RRAGD: variants seen among roughly 807,000 people sequenced by gnomAD.
RRAGD encodes the protein ras-related GTP-binding protein D.
RRAGD carries 12 observed loss-of-function variants against 35.5 expected under a neutral mutation model. The observed-to-expected ratio is 0.34, with a 90% CI of 0.22 to 0.55. The LOEUF (loss-of-function observed/expected upper bound fraction) is 0.55, where lower values mean the gene tolerates loss of function less well. Among genes scored for constraint, RRAGD ranks in the 20% least tolerant of loss-of-function variants. The pLI, the probability that RRAGD is intolerant of heterozygous loss-of-function variation, is 0.91. For missense variants in RRAGD, 324 were observed against 490.1 expected, an observed-to-expected ratio of 0.66 and a Z score of 3.20; for synonymous variants, 155 against 178.9, an observed-to-expected ratio of 0.87 and a Z score of 1.07.
Position 89,411,828 on chromosome 6 carries a change from C to G in RRAGD, c.148+18G>C, listed in dbSNP as rs1226073792. The G allele has an allele frequency of 1.9e-6, 3 of 1,543,600 alleles. No homozygotes were observed. Among genetic ancestry groups the G allele is most frequent in the Non-Finnish European group, 2.6e-6 (3 of 1,148,756 alleles). ...AGGAAAGGGGCGCGAGCCGAGGACGCGGGGGCCGGGCGCTCACCTCCCTCC... is the reference window on the plus strand; with the variant it reads ...AGGAAAGGGGCGCGAGCCGAGGACGGGGGGGCCGGGCGCTCACCTCCCTCC... On this transcript the variant is annotated intron_variant, in intron 1 of 6. Coordinates refer to ENST00000369415, the MANE Select transcript of RRAGD (RefSeq NM_021244.5). The surrounding 1 kb of genome is among the most constrained non-coding windows in gnomAD (Gnocchi z 5.6).
Position 89,411,899 on chromosome 6 carries a change from C to T in RRAGD, c.95G>A (p.Gly32Glu). ...EDELVGLADY[G>E]DGPDSSDADP... is the part of the protein sequence containing the mutation. Reference sequence around the variant, plus strand: ...GGCGTCGGAGGAGTCGGGCCCGTCTCCGTAGTCCGCTAGCCCCACCAGCTC... The same window carrying T: ...GGCGTCGGAGGAGTCGGGCCCGTCTTCGTAGTCCGCTAGCCCCACCAGCTC... Residue 32 changes from glycine (G) to glutamate (E), a missense_variant, in exon 1 of 7, where the codon GGA (glycine) becomes GAA (glutamate). Physicochemically the swap from Gly to Glu is moderately conservative, Grantham distance 98 (BLOSUM62 -2). Coordinates refer to ENST00000369415, the MANE Select transcript of RRAGD (RefSeq NM_021244.5). The surrounding 1 kb of genome is among the most constrained non-coding windows in gnomAD (Gnocchi z 5.6). 6.5e-7 allele frequency: 1 copy of T among 1,546,352 alleles called. No individual in the cohort carries two copies. Among genetic ancestry groups the T allele is most frequent in the Non-Finnish European group, 8.7e-7 (1 of 1,148,206 alleles).
At chr6:89,385,653 C>T (rs376517151) in intron 2 of RRAGD, among the ~76,000 whole-genome samples, 2 of 152,158 alleles carry the variant, frequency 1.3e-5, no homozygotes, top group East Asian at 1.9e-4. Flanking sequence ...GCAGGTAACA[C>T]GTGTTTCTGG....
At chr6:89,397,720 C>T in intron 1 of RRAGD, among the ~76,000 whole-genome samples, 1 of 152,108 alleles carries the variant, frequency 6.6e-6, no homozygotes, top group East Asian at 1.9e-4. Flanking sequence ...ACTATTGATA[C>T]ACATAACCTG....
intron 1 of RRAGD, among the ~76,000 whole-genome samples, chr6:89,388,525 G>A (rs1229449588): frequency 6.6e-6 from 1 of 152,058 alleles, no homozygotes; most frequent in African/African-American, 2.4e-5. Flanking sequence ...AAAATTTGGG[G>A]GTTCCTCAGT....
At position 89,411,846 on chromosome 6, in the gene RRAGD, C is replaced by G. The variant is rs1335186513; in HGVS notation, c.148G>C (p.Val50Leu). Reference sequence around the variant, plus strand: ...GAGGACGCGGGGGCCGGGCGCTCACCTCCCTCCTCTGTGCCGCTGTCCGGA... The same window carrying G: ...GAGGACGCGGGGGCCGGGCGCTCACGTCCCTCCTCTGTGCCGCTGTCCGGA... ...ADPDSGTEEG[V>L]LDFSDPFSTE... The change falls in exon 1 of 7, where the codon GTT (valine) becomes CTT (leucine). Residue 50 changes from valine (V) to leucine (L), a missense_variant and splice_region_variant. Around this residue, in one of 5 missense-constraint regions of RRAGD, gnomAD observed 96 missense variants for 78.7 expected, o/e 1.22. Transcript: ENST00000369415. The surrounding 1 kb of genome is among the most constrained non-coding windows in gnomAD (Gnocchi z 5.6). 1 of 1,550,732 alleles carries G rather than the reference C, an allele frequency of 6.4e-7. No individual in the cohort carries two copies. Among genetic ancestry groups the G allele is most frequent in the Non-Finnish European group, 8.7e-7 (1 of 1,151,248 alleles).
At chr6:89,390,064 A>C (rs940654821) in intron 1 of RRAGD, among the ~76,000 whole-genome samples, 2 of 152,232 alleles carry the variant, frequency 1.3e-5, no homozygotes, top group Non-Finnish European at 1.5e-5. Flanking sequence ...AAGAGCTAAA[A>C]CTATAAAACT....
At chr6:89,392,229 T>G (rs1200845485) in intron 1 of RRAGD, among the ~76,000 whole-genome samples, 1 of 152,020 alleles carries the variant, frequency 6.6e-6, no homozygotes, top group African/African-American at 2.4e-5. Context: ...ATGCCAGCAC[T>G]TTGGAAGGCT....
chr6:89,391,965 A>AG, intron 1 of RRAGD, among the ~76,000 whole-genome samples: 1 of 150,920 alleles, frequency 6.6e-6, no homozygotes, highest in South Asian at 2.1e-4. Context: ...TCAAAAAAAA[A>AG]AAAAAAAAAA....
intron 6 of RRAGD, among the ~76,000 whole-genome samples, chr6:89,371,784 T>C (rs1236692025): frequency 6.6e-6 from 1 of 152,174 alleles, no homozygotes; most frequent in African/African-American, 2.4e-5. Flanking sequence ...TAGGGACTTC[T>C]GTTAGTAACT....
At chr6:89,407,926 C>T (rs574103192) in intron 1 of RRAGD, among the ~76,000 whole-genome samples, 9 of 152,174 alleles carry the variant, frequency 5.9e-5, no homozygotes, top group African/African-American at 1.9e-4. Context: ...AGAGTCAGTA[C>T]TCTCTGATGC....
At chr6:89,408,730 G>A (rs534102926) in intron 1 of RRAGD, among the ~76,000 whole-genome samples, 1 of 152,194 alleles carries the variant, frequency 6.6e-6, no homozygotes, top group South Asian at 2.1e-4. Context: ...AAATGGGAGG[G>A]GTTTTGGGGG....
In RRAGD at chr6:89,411,969, G is replaced by T; in HGVS notation, c.25C>A (p.Gln9Lys). MSQVLGKP[Q>K]PQDEDDAEEE... ...TCCGCGTCGTCCTCGTCCTGCGGCTGCGGCTTCCCCAGCACCTGGCTCATC... is the reference window on the plus strand; with the variant it reads ...TCCGCGTCGTCCTCGTCCTGCGGCTTCGGCTTCCCCAGCACCTGGCTCATC... Residue 9 changes from glutamine to lysine, a missense_variant, in exon 1 of 7, where the codon CAG becomes AAG. Physicochemically the swap from Gln to Lys is moderately conservative, Grantham distance 53. Transcript: ENST00000369415. The surrounding 1 kb of genome is among the most constrained non-coding windows in gnomAD (Gnocchi z 5.6). 1 of 1,536,718 alleles carries T rather than the reference G, an allele frequency of 6.5e-7. No homozygotes were observed.
chr6:89,375,669 C>A (rs1437569119), intron 5 of RRAGD, among the ~76,000 whole-genome samples: 5 of 152,242 alleles, frequency 3.3e-5, no homozygotes, highest in Non-Finnish European at 7.3e-5. Context: ...GCTCTGCACA[C>A]AACCCTGCCT....
chr6:89,405,895 T>G (rs1418779706), intron 1 of RRAGD, among the ~76,000 whole-genome samples: 1 of 152,112 alleles, frequency 6.6e-6, no homozygotes, highest in African/African-American at 2.4e-5. Flanking sequence ...AATAAGAAAT[T>G]CCAACCCAAG....
chr6:89,393,510 A>G lies in RRAGD; in HGVS notation c.149-5920T>C, dbSNP rs975927731. On this transcript the variant is annotated intron_variant, in intron 1 of 6. Transcript: ENST00000369415. ...TAAATGGAGGAGGTTGGGCATGAGA[A>G]GGAAGGCAGTGCCCCCAGTGCTAGT... Among the ~76,000 whole-genome samples the G allele has an allele frequency of 1.3e-5, 2 of 152,212 alleles. 1 individual carries two copies. The highest frequency in any genetic ancestry group is 4.8e-5 in the African/African-American group (2 of 41,464).
At chr6:89,393,345 G>A (rs968898605) in intron 1 of RRAGD, among the ~76,000 whole-genome samples, 7 of 150,816 alleles carry the variant, frequency 4.6e-5, no homozygotes, top group Non-Finnish European at 1.0e-4. Context: ...CCCACAACAG[G>A]AAGGAATATG....
rs775844853 is a variant in RRAGD at position 89,387,315 on chromosome 6, T to C, written c.424A>G (p.Ile142Val). Residue 142 changes from isoleucine to valine, a missense_variant, in exon 2 of 7, where the codon ATA becomes GTA. Physicochemically the swap from Ile to Val is conservative, Grantham distance 29. Transcript: ENST00000369415. ...EMIFRGTGAL[I>V]FVIDSQDDYM... ...TTTACCTGTGAGTCAATGACAAATA[T>C]CAGTGCTCCTGTTCCCCGGAAGATC... 3 of 1,613,810 alleles carry C rather than the reference T, an allele frequency of 1.9e-6. No individual in the cohort carries two copies. Among genetic ancestry groups the C allele is most frequent in the South Asian group, 2.2e-5 (2 of 91,076 alleles).
intron 2 of RRAGD, among the ~76,000 whole-genome samples, chr6:89,384,979 A>G (rs1769116132): frequency 6.6e-6 from 1 of 152,078 alleles, no homozygotes; most frequent in Non-Finnish European, 1.5e-5. Flanking sequence ...ACTTGAGCCC[A>G]GGACTTTGAG....
At chr6:89,388,795 A>G (rs547858812) in intron 1 of RRAGD, among the ~76,000 whole-genome samples, 67 of 152,322 alleles carry the variant, frequency 4.4e-4, no homozygotes, top group African/African-American at 1.5e-3. Context: ...TGTAGAATCA[A>G]TGGGAGCCCT....
Sources: gnomAD v4.1 joint callset for allele counts (sites outside exome capture counted in the v4.1 genomes callset) on GRCh38, gnomAD v4.1.1 for gene constraint, gnomAD v4.1.1 regional missense constraint, Gnocchi (gnomAD v3.1) non-coding constraint, MANE v1.5 for transcripts, NCBI Gene and HGNC (gene_info 2026-07-23, HGNC 2026-07-21) for gene names.